Variants in HR observed in about 807,000 individuals in gnomAD.
HR encodes lysine-specific demethylase hairless.
Under a neutral mutation model 128.6 loss-of-function variants are expected in HR, and 83 were observed. The observed-to-expected ratio is 0.65, with a 90% confidence interval of 0.54 to 0.77. The LOEUF is 0.77. HR is among the 30% of genes least tolerant of loss of function. HR has a pLI of 0.00. For synonymous variants in HR, 681 were observed against 658.2 expected (o/e 1.03, Z -0.53); for missense variants, 1,490 against 1,574.6 (o/e 0.95, Z 0.91).
chr8:22,125,265 G>A (rs1013051454), intron 5 of HR, 46 bp downstream of exon 5: 19 of 1,535,706 alleles, frequency 1.2e-5, no homozygotes, highest in Non-Finnish European at 1.6e-5. Context: ...GACACCTGGG[G>A]CTCCCCACAC....
At position 22,119,902 on chromosome 8, in the gene HR, G is replaced by T. The variant is rs769623779; in HGVS notation, c.2847-12C>A. On this transcript the variant is annotated splice_polypyrimidine_tract_variant and intron_variant, in intron 13 of 18. Transcript: ENST00000381418. ...CTAGGTTCTCCACCCTGTCAGGGTA[G>T]GGGGTCATGCCCAGCAGGCCCAACC... 3.1e-6 allele frequency: 5 copies of T among 1,613,138 alleles called. No homozygotes were observed. In the Admixed American group the frequency reaches 8.3e-5, roughly 27 times the overall value.
intron 15 of HR, 30 bp downstream of exon 15, chr8:22,119,133 TC>T: frequency 6.2e-7 from 1 of 1,613,568 alleles, no homozygotes; most frequent in Non-Finnish European, 8.5e-7. Flanking sequence ...CTGTAGCTTG[TC>T]CCCGCTCCTG....
rs575363044 is a variant in HR, at chr8:22,119,675, C to T, written c.2977+85G>A. On this transcript the variant is annotated intron_variant, in intron 14 of 18. Coordinates refer to ENST00000381418, the MANE Select transcript of HR (RefSeq NM_005144.5). ...CAGAGAAGCGCTTCAGGCCCCAGGG[C>T]CTTGGCACAGACGCTCGTGTGCCCC... The T allele has an allele frequency of 4.7e-6, 7 of 1,482,756 alleles. No individual in the cohort carries two copies. In the African/African-American group the frequency reaches 7.0e-5, roughly 15 times the overall value. 91.8% of individuals were successfully genotyped at this position (1,482,756 alleles called of 1,614,324 possible).
chr8:22,124,679 T>A (rs1826840720), intron 5 of HR, among the ~76,000 whole-genome samples: 1 of 151,754 alleles, frequency 6.6e-6, no homozygotes, highest in Admixed American at 6.6e-5. Flanking sequence ...CCCCAGAGGA[T>A]GAGTAAGTTT....
Position 22,128,869 on chromosome 8 carries a change from T to C in HR, c.302A>G (p.Glu101Gly). Residue 101 changes from glutamate (E) to glycine (G), a missense_variant, in exon 2 of 19, where the codon GAG (glutamate) becomes GGG (glycine). Around this residue, in one of 3 missense-constraint regions of HR, gnomAD observed 1,060 missense variants for 1,060.9 expected, o/e 1.00. Coordinates refer to ENST00000381418, the MANE Select transcript of HR (RefSeq NM_005144.5). ...LGSKEGLRWK[E>G]AMLTHPLAFC... Reference sequence around the variant, plus strand: ...TGCCAGCGGATGGGTAAGCATGGCCTCCTTCCAGCGCAGTCCCTCTTTGCT... The same window carrying C: ...TGCCAGCGGATGGGTAAGCATGGCCCCCTTCCAGCGCAGTCCCTCTTTGCT... 6.2e-7 allele frequency: 1 copy of C among 1,613,394 alleles called. No individual in the cohort carries two copies. The highest frequency in any genetic ancestry group is 8.5e-7 in the Non-Finnish European group (1 of 1,180,016).
intron 5 of HR, among the ~76,000 whole-genome samples, chr8:22,124,956 G>A (rs1826846464): frequency 6.6e-6 from 1 of 152,166 alleles, no homozygotes; most frequent in African/African-American, 2.4e-5. Flanking sequence ...GGAACTCTCT[G>A]TGCTGCGGAA....
Position 22,128,819 on chromosome 8 carries a change from G to A in HR, c.352C>T (p.Arg118Cys), listed in dbSNP as rs371390059. 927 of 1,613,252 alleles carry A rather than the reference G, an allele frequency of 5.7e-4. 11 individuals are homozygous for A. In the South Asian group the frequency reaches 6.8e-3, roughly 12 times the overall value. Residue 118 changes from arginine to cysteine, a missense_variant, in exon 2 of 19, where the codon CGC becomes TGC. By Grantham distance (180) the Arg-to-Cys change is radical. Coordinates refer to ENST00000381418, the MANE Select transcript of HR (RefSeq NM_005144.5). ...LAFCGPACPP[R>C]CGPLMPEHSG... The stretch of plus-strand genomic sequence containing the variant: ...TGCTCAGGCATCAGGGGGCCACAGC[G>A]AGGTGGGCACGCTGGCCCGCAGAAT...
chr8:22,123,192 G>A (rs966986075), intron 6 of HR, among the ~76,000 whole-genome samples: 2 of 152,176 alleles, frequency 1.3e-5, no homozygotes, highest in Admixed American at 6.5e-5. Context: ...GCTCTCCCGT[G>A]GCCAACTTGA....
In HR at chr8:22,125,696, C is replaced by T. The variant is rs776612982; in HGVS notation, c.1442G>A (p.Gly481Glu). 3 of 1,613,994 alleles carry T rather than the reference C, an allele frequency of 1.9e-6. 1 individual carries two copies. The South Asian group carries it at 3.3e-5, about 18-fold the overall frequency. The change falls in exon 4 of 19, where the codon GGA becomes GAA. Residue 481 changes from glycine (G) to glutamate (E), a missense_variant. Physicochemically the swap from Gly to Glu is moderately conservative, Grantham distance 98. This residue lies in a region of HR where 1,060 missense variants were observed against 1,060.9 expected (regional missense o/e 1.00). Transcript: ENST00000381418. ...QDGQASLQDP[G>E]LQDIPCLALP... The stretch of plus-strand genomic sequence containing the variant: ...AGCCAGGCATGGTATGTCCTGAAGT[C>T]CCGGGTCCTGGAGACTGGCCTGGCC...
Position 22,116,515 on chromosome 8 carries a change from G to C in HR, c.3379-87C>G. 6.5e-7 allele frequency: 1 copy of C among 1,540,010 alleles called. No homozygotes were observed. The highest frequency in any genetic ancestry group is 1.2e-5 in the South Asian group (1 of 83,616). On this transcript the variant is annotated intron_variant, in intron 17 of 18. Coordinates refer to ENST00000381418, the MANE Select transcript of HR (RefSeq NM_005144.5). The surrounding 1 kb of genome is among the most constrained non-coding windows in gnomAD (Gnocchi z 4.2). ...GTCCCTGAGGTTCGCTTCCTCTAAT[G>C]ACAACCACCCCCGACCCCTGGCTCT...
intron 16 of HR, 69 bp downstream of exon 16, chr8:22,118,881 T>C: frequency 1.5e-6 from 2 of 1,341,356 alleles, no homozygotes; most frequent in Non-Finnish European, 2.1e-6. Context: ...GACCGCACAC[T>C]GGGGTGGGAC....
At chr8:22,121,283 C>T (rs543527133) in intron 9 of HR, 55 bp from the exon 10 acceptor site, 14 of 1,592,422 alleles carry the variant, frequency 8.8e-6, no homozygotes, top group Admixed American at 1.7e-5. Context: ...CTCTTCCCCT[C>T]GAGGCCCTCT....
chr8:22,123,963 G>A (rs1320434453), intron 5 of HR, 150 bp from the exon 6 acceptor site: 13 of 877,606 alleles, frequency 1.5e-5, no homozygotes, highest in East Asian at 1.1e-4. Context: ...CAGGCCCCTC[G>A]ACAGCTACCC....
rs889548228 is a variant in HR, at chr8:22,120,007, C to T, written c.2846+97G>A. 17 of 1,578,516 alleles carry T rather than the reference C, an allele frequency of 1.1e-5. No individual in the cohort carries two copies. In the South Asian group the frequency reaches 1.1e-4, roughly 10 times the overall value. On this transcript the variant is annotated intron_variant, in intron 13 of 18. Transcript: ENST00000381418. Reference sequence around the variant, plus strand: ...GCAAACATGAGAGTACCAGGGACCACGGGGTGGGGGTTGGGGGCAGAGGAG... The same window carrying T: ...GCAAACATGAGAGTACCAGGGACCATGGGGTGGGGGTTGGGGGCAGAGGAG...
chr8:22,117,019 G>A lies in HR; in HGVS notation c.3234C>T (p.Gly1078=), dbSNP rs778737676. The change falls in exon 17 of 19, where the codon GGC becomes GGT. Residue 1078 remains glycine (G), a synonymous_variant. Transcript: ENST00000381418. Reference sequence around the variant, plus strand: ...TGCCTGGGGCGCCAGGCTCCAGGGCGCCTGCCCCGGCCGGGCACACCTCAA... The same window carrying A: ...TGCCTGGGGCGCCAGGCTCCAGGGCACCTGCCCCGGCCGGGCACACCTCAA... ...FLQMVCPAGA[G]ALEPGAPGSC... is the part of the protein sequence containing the mutation. 1.3e-5 allele frequency: 20 copies of A among 1,509,728 alleles called. No individual in the cohort carries two copies. The highest frequency in any genetic ancestry group is 7.2e-5 in the East Asian group (3 of 41,614). 93.5% of individuals were successfully genotyped at this position (1,509,728 alleles called of 1,614,324 possible).
chr8:22,128,812 C>T lies in HR; in HGVS notation c.359G>A (p.Gly120Asp). The change falls in exon 2 of 19, where the codon GGC becomes GAC. Residue 120 changes from glycine to aspartate, a missense_variant. Physicochemically the swap from Gly to Asp is moderately conservative, Grantham distance 94. Around this residue, in one of 3 missense-constraint regions of HR, gnomAD observed 1,060 missense variants for 1,060.9 expected, o/e 1.00. Transcript: ENST00000381418. ...FCGPACPPRC[G>D]PLMPEHSGGH... ...ACCACTATGCTCAGGCATCAGGGGGCCACAGCGAGGTGGGCACGCTGGCCC... is the reference window on the plus strand; with the variant it reads ...ACCACTATGCTCAGGCATCAGGGGGTCACAGCGAGGTGGGCACGCTGGCCC... 6.2e-7 allele frequency: 1 copy of T among 1,612,972 alleles called. No individual in the cohort carries two copies. The highest frequency in any genetic ancestry group is 8.5e-7 in the Non-Finnish European group (1 of 1,179,840).
At position 22,119,826 on chromosome 8, in the gene HR, G is replaced by C. The variant is rs370454059; in HGVS notation, c.2911C>G (p.Leu971Val). 5.0e-6 allele frequency: 8 copies of C among 1,613,710 alleles called. No homozygotes were observed. In the African/African-American group the frequency reaches 9.3e-5, roughly 19 times the overall value. ...EYCALHGKLN[L>V]ASYLPPGLAL... ...AGGCCCGGTGGGAGGTAGGAAGCCA[G>C]GTTGAGTTTTCCATGGAGGGCGCAG... Residue 971 changes from leucine (L) to valine (V), a missense_variant, in exon 14 of 19, where the codon CTG becomes GTG. By Grantham distance (32) the Leu-to-Val change is conservative. This residue lies in a region of HR where 423 missense variants were observed against 495.9 expected (regional missense o/e 0.85). Coordinates refer to ENST00000381418, the MANE Select transcript of HR (RefSeq NM_005144.5).
In HR at chr8:22,121,048, T is replaced by TCC; in HGVS notation, c.2367+15_2367+16dup. On this transcript the variant is annotated intron_variant, in intron 10 of 18. Transcript: ENST00000381418. ...TGGTCCCCTGGCTCCTAGCCCTCCCTCCGTGCCCTCACTCACACTGGGCAG... is the reference window on the plus strand; with the variant it reads ...TGGTCCCCTGGCTCCTAGCCCTCCCTCCCCGTGCCCTCACTCACACTGGGCAG... 6.2e-7 allele frequency: 1 copy of TCC among 1,613,306 alleles called. No individual in the cohort carries two copies. Among genetic ancestry groups the TCC allele is most frequent in the Non-Finnish European group, 8.5e-7 (1 of 1,179,902 alleles).
chr8:22,115,691 A>G lies in HR; in HGVS notation c.*9T>C. 2 of 1,613,086 alleles carry G rather than the reference A, an allele frequency of 1.2e-6. No individual in the cohort carries two copies. The highest frequency in any genetic ancestry group is 1.7e-6 in the Non-Finnish European group (2 of 1,179,220). ...GTCCCCACCCCGATCCCAGACACCT[A>G]GCATCCCTCTATTTGGCCTCCTGTA... On this transcript the variant is annotated 3_prime_UTR_variant, in exon 19 of 19. Coordinates refer to ENST00000381418, the MANE Select transcript of HR (RefSeq NM_005144.5).
Sources: gnomAD v4.1 joint callset for allele counts (sites outside exome capture counted in the v4.1 genomes callset) on GRCh38, gnomAD v4.1.1 for gene constraint, gnomAD v4.1.1 regional missense constraint, Gnocchi (gnomAD v3.1) non-coding constraint, MANE v1.5 for transcripts, NCBI Gene and HGNC (gene_info 2026-07-23, HGNC 2026-07-21) for gene names.